The following PTPN21 variants were observed in gnomAD, a reference collection of about 807,000 sequenced individuals.
PTPN21 encodes the protein tyrosine-protein phosphatase non-receptor type 21.
In PTPN21, 77 loss-of-function variants were observed where a neutral mutation model predicts 131.8. The observed-to-expected ratio is 0.58, with a 90% CI of 0.49 to 0.71. The LOEUF is 0.71. PTPN21 is among the 30% of genes least tolerant of loss of function. The probability of loss-of-function intolerance (pLI) is 0.00; values close to 1 mark genes in which losing one functional copy is unlikely to be tolerated. For missense variants in PTPN21, 1,552 were observed against 1,527.1 expected, an observed-to-expected ratio of 1.02 and a Z score of -0.27; for synonymous variants, 715 against 621.3, an observed-to-expected ratio of 1.15 and a Z score of -2.24.
Position 88,467,959 on chromosome 14 carries a change from T to G in PTPN21, c.*178A>C. The G allele has an allele frequency of 1.2e-6, 1 of 836,230 alleles. No individual in the cohort carries two copies. Among genetic ancestry groups the G allele is most frequent in the Non-Finnish European group, 1.9e-6 (1 of 518,976 alleles). The allele number at this position is 836,230 out of a possible 1,614,324, so 51.8% of individuals were successfully genotyped here. On this transcript the variant is annotated 3_prime_UTR_variant, in exon 19 of 19. Transcript: ENST00000556564. The stretch of plus-strand genomic sequence containing the variant: ...GCACCTTTCCCAGGTTAGAAACCCC[T>G]CTTCAGCCTGTGCTTCGCACGTTTC...
intron 3 of PTPN21, among the ~76,000 whole-genome samples, chr14:88,508,230 C>T (rs2078126942): frequency 6.6e-6 from 1 of 151,080 alleles, no homozygotes; most frequent in South Asian, 2.1e-4. Context: ...CTCACTGTAG[C>T]GTCAACCTTC....
intron 2 of PTPN21, among the ~76,000 whole-genome samples, chr14:88,523,780 A>T (rs2078436615): frequency 6.6e-6 from 1 of 151,774 alleles, no homozygotes; most frequent in African/African-American, 2.4e-5. Flanking sequence ...GAGGTAATAC[A>T]TTCAGTGAAG....
chr14:88,487,324 T>A (rs1424094900), intron 10 of PTPN21, among the ~76,000 whole-genome samples: 1 of 152,168 alleles, frequency 6.6e-6, no homozygotes, highest in Non-Finnish European at 1.5e-5. Flanking sequence ...TAATCACTGA[T>A]TACAAAAATA....
chr14:88,528,120 T>C (rs993685894), intron 2 of PTPN21, among the ~76,000 whole-genome samples: 26 of 152,238 alleles, frequency 1.7e-4, no homozygotes. Context: ...AGTCTTGCTT[T>C]GGCTATGGGG....
chr14:88,497,462 T>C (rs941336827), intron 8 of PTPN21, among the ~76,000 whole-genome samples, 172 bp from the exon 9 acceptor site: 1 of 152,096 alleles, frequency 6.6e-6, no homozygotes, highest in Non-Finnish European at 1.5e-5. Context: ...GGTGAAACCC[T>C]GTCTCTATTA....
rs1452745066 is a variant in PTPN21, at chr14:88,479,059, A to C, written c.2372T>G (p.Leu791Arg). 1 of 1,606,902 alleles carries C rather than the reference A, an allele frequency of 6.2e-7. No homozygotes were observed. The highest frequency in any genetic ancestry group is 8.5e-7 in the Non-Finnish European group (1 of 1,177,374). Residue 791 changes from leucine to arginine, a missense_variant, in exon 13 of 19, where the codon CTG becomes CGG. Physicochemically the swap from Leu to Arg is moderately radical, Grantham distance 102 (BLOSUM62 -2). Around this residue, in one of 4 missense-constraint regions of PTPN21, gnomAD observed 1,016 missense variants for 883.5 expected, o/e 1.15. Transcript: ENST00000556564. ...AEAQRPWRDG[L>R]LMPSMSESDL... ...GGACTCCGACATGGAGGGCATCAGC[A>C]GCCCGTCTCTCCAGGGCCGCTGGGC...
Position 88,479,635 on chromosome 14 carries a change from A to C in PTPN21, c.1796T>G (p.Val599Gly), listed in dbSNP as rs2140098486. The change falls in exon 13 of 19, where the codon GTG becomes GGG. Residue 599 changes from valine to glycine, a missense_variant. This residue lies in a region of PTPN21 where 1,016 missense variants were observed against 883.5 expected (regional missense o/e 1.15). Transcript: ENST00000556564. ...SSNPDLITRR[V>G]HHSVQTFQED... ...CTGGAACGTTTGCACCGAGTGGTGC[A>C]CGCGCCGCGTGATGAGGTCGGGGTT... 1 of 1,561,896 alleles carries C rather than the reference A, an allele frequency of 6.4e-7. No homozygotes were observed. The highest frequency in any genetic ancestry group is 2.3e-5 in the East Asian group (1 of 43,992).
At chr14:88,514,513 G>A (rs894049014) in intron 3 of PTPN21, among the ~76,000 whole-genome samples, 2 of 148,540 alleles carry the variant, frequency 1.3e-5, no homozygotes, top group Admixed American at 6.8e-5. Flanking sequence ...TGCCCAGGCT[G>A]GAGTGCAGCG....
At chr14:88,501,453 T>C in intron 6 of PTPN21, 85 bp from the exon 7 acceptor site, 2 of 1,129,734 alleles carry the variant, frequency 1.8e-6, no homozygotes, top group Non-Finnish European at 2.7e-6. Flanking sequence ...TATATGTCAA[T>C]TTAGCATAAG....
intron 2 of PTPN21, among the ~76,000 whole-genome samples, chr14:88,544,971 G>C (rs757773755): frequency 7.2e-5 from 11 of 152,110 alleles, no homozygotes; most frequent in Non-Finnish European, 1.5e-4. Context: ...GGGACTACAG[G>C]CATACACCAT....
intron 12 of PTPN21, among the ~76,000 whole-genome samples, chr14:88,482,819 G>C (rs949445538): frequency 1.3e-5 from 2 of 151,634 alleles, no homozygotes; most frequent in Non-Finnish European, 2.9e-5. Context: ...ATGTGGGGGT[G>C]CTGGGAGGCT....
chr14:88,491,074 C>A (rs1257253853), intron 10 of PTPN21, among the ~76,000 whole-genome samples: 1 of 152,154 alleles, frequency 6.6e-6, no homozygotes, highest in Non-Finnish European at 1.5e-5. Flanking sequence ...ATTCCCAATT[C>A]AACCATAAAG....
At chr14:88,482,745 G>C (rs1325713624) in intron 12 of PTPN21, among the ~76,000 whole-genome samples, 2 of 152,010 alleles carry the variant, frequency 1.3e-5, no homozygotes, top group Admixed American at 1.3e-4. Context: ...AAGGAGGAGG[G>C]AAAAACCTAG....
chr14:88,540,743 G>A (rs2078693898), intron 2 of PTPN21, among the ~76,000 whole-genome samples: 1 of 152,104 alleles, frequency 6.6e-6, no homozygotes, highest in Non-Finnish European at 1.5e-5. Context: ...GCTCACTGCA[G>A]CCTTGCCTTC....
At position 88,522,019 on chromosome 14, in the gene PTPN21, T is replaced by C. The variant is rs150345561; in HGVS notation, c.181-4758A>G. Among the ~76,000 whole-genome samples, 750 of 152,282 alleles carry C rather than the reference T, an allele frequency of 4.9e-3. 3 individuals are homozygous for C. The highest frequency in any genetic ancestry group is 8.6e-3 in the Non-Finnish European group (584 of 68,026). On this transcript the variant is annotated intron_variant, in intron 2 of 18. Coordinates refer to ENST00000556564, the MANE Select transcript of PTPN21 (RefSeq NM_007039.4). Reference sequence around the variant, plus strand: ...ATGCAACATGAATTAGAAAATCAAATAGAACTGAACAAATACATTTGTTGA... The same window carrying C: ...ATGCAACATGAATTAGAAAATCAAACAGAACTGAACAAATACATTTGTTGA...
chr14:88,525,349 C>T (rs542163043), intron 2 of PTPN21, among the ~76,000 whole-genome samples: 50 of 151,708 alleles, frequency 3.3e-4, no homozygotes, highest in African/African-American at 1.2e-3. Flanking sequence ...CTACTTGAAA[C>T]GTATAAAATG....
chr14:88,546,040 T>C (rs1179143893), intron 2 of PTPN21, among the ~76,000 whole-genome samples: 1 of 142,646 alleles, frequency 7.0e-6, no homozygotes, highest in Non-Finnish European at 1.6e-5. Context: ...GTAGTTCAAA[T>C]ATGGTGAATT....
chr14:88,472,517 AC>A (rs2077487725), intron 14 of PTPN21, 52 bp from the exon 15 acceptor site: 1 of 1,089,840 alleles, frequency 9.2e-7, no homozygotes, highest in African/African-American at 1.6e-5. Context: ...CGTCGTGGCT[AC>A]CTTTTGACTG....
chr14:88,520,113 G>A lies in PTPN21; in HGVS notation c.181-2852C>T, dbSNP rs575367016. Among the ~76,000 whole-genome samples, 4 of 152,228 alleles carry A rather than the reference G, an allele frequency of 2.6e-5. No homozygotes were observed. The East Asian group carries it at 5.8e-4, about 22-fold the overall frequency. ...CTCCTCCAAAGTTATGCAAGAGAAA[G>A]TTATATAAAACCTTATCTTTGGCTG... On this transcript the variant is annotated intron_variant, in intron 2 of 18. Coordinates refer to ENST00000556564, the MANE Select transcript of PTPN21 (RefSeq NM_007039.4).
Sources: allele counts gnomAD v4.1 joint callset (sites outside exome capture counted in the v4.1 genomes callset), GRCh38; gene constraint gnomAD v4.1.1; regional missense constraint gnomAD v4.1.1; transcripts MANE v1.5; gene names NCBI Gene and HGNC (gene_info 2026-07-23, HGNC 2026-07-21).